Variants in TAGLN2 observed in about 807,000 individuals in gnomAD.
TAGLN2 encodes the protein transgelin 2.
In TAGLN2, 14 loss-of-function variants were observed where a neutral mutation model predicts 24.9. That is an observed-to-expected ratio of 0.56 (90% CI 0.37 to 0.88). The LOEUF (loss-of-function observed/expected upper bound fraction) is 0.88. TAGLN2 is among the 40% of genes least tolerant of loss of function. The pLI, the probability that TAGLN2 is intolerant of heterozygous loss-of-function variation, is 0.00. For missense variants in TAGLN2, 208 were observed against 258.9 expected, an observed-to-expected ratio of 0.80 and a Z score of 1.35; for synonymous variants, 77 against 98.2, an observed-to-expected ratio of 0.78 and a Z score of 1.28.
chr1:159,919,771 G>T lies in TAGLN2; in HGVS notation c.245C>A (p.Ala82Asp). 6.2e-7 allele frequency: 1 copy of T among 1,614,088 alleles called. No homozygotes were observed. Residue 82 changes from alanine to aspartate, a missense_variant, in exon 3 of 5, where the codon GCC (alanine) becomes GAC (aspartate). Transcript: ENST00000368097. ...CATCTGCTTGAAGGCCATGGTGGAG[G>T]CCTGGATCTTCTTTACTGGGGCCTG... ...EGQAPVKKIQ[A>D]STMAFKQMEQ...
chr1:159,918,746 T>C lies in TAGLN2; in HGVS notation c.*54A>G. On this transcript the variant is annotated 3_prime_UTR_variant, in exon 5 of 5. Coordinates refer to ENST00000368097, the MANE Select transcript of TAGLN2 (RefSeq NM_003564.3). ...GGGAATGTCACTGCTAAAATATATA[T>C]CTACATATATATTAACCATTCGTGG... 6.3e-7 allele frequency: 1 copy of C among 1,580,778 alleles called. No individual in the cohort carries two copies. Among genetic ancestry groups the C allele is most frequent in the South Asian group, 1.2e-5 (1 of 86,656 alleles).
intron 1 of TAGLN2, chr1:159,923,455 A>G (rs1263831237): frequency 3.2e-6 from 5 of 1,550,140 alleles, no homozygotes; most frequent in East Asian, 2.4e-5. Context: ...GCCAAAGCCA[A>G]AGAAAAGGCG....
intron 1 of TAGLN2, among the ~76,000 whole-genome samples, chr1:159,921,971 C>T (rs928255223): frequency 6.6e-6 from 1 of 152,248 alleles, no homozygotes; most frequent in Non-Finnish European, 1.5e-5. Context: ...AGCTGTCAGG[C>T]TGCTCACGAA....
At chr1:159,919,856 TG>T in intron 2 of TAGLN2, 21 bp from the exon 3 acceptor site, 1 of 1,609,542 alleles carries the variant, frequency 6.2e-7, no homozygotes, top group Non-Finnish European at 8.5e-7. Flanking sequence ...ACAGCAGGGG[TG>T]GAAAGGTGAG....
intron 1 of TAGLN2, among the ~76,000 whole-genome samples, chr1:159,923,276 A>G (rs1158944955): frequency 6.6e-6 from 1 of 152,238 alleles, no homozygotes; most frequent in Non-Finnish European, 1.5e-5. Context: ...TGACAGCTGA[A>G]CAACCTGGGG....
intron 1 of TAGLN2, among the ~76,000 whole-genome samples, chr1:159,924,240 T>C (rs889469679): frequency 1.3e-5 from 2 of 152,126 alleles, no homozygotes; most frequent in Non-Finnish European, 2.9e-5. Flanking sequence ...ACCTATTTGT[T>C]GGTTCTGGAA....
intron 1 of TAGLN2, chr1:159,923,702 CAGCCCCT>C: frequency 7.2e-6 from 3 of 417,170 alleles, no homozygotes; most frequent in South Asian, 5.5e-5. Flanking sequence ...CACCGTAGGG[CAGCCCCT>C]CACCACCGAG....
At chr1:159,920,291 T>C in intron 2 of TAGLN2, 39 bp downstream of exon 2, 6 of 1,614,092 alleles carry the variant, frequency 3.7e-6, no homozygotes, top group Non-Finnish European at 5.1e-6. Context: ...CCAGTCCTGC[T>C]CTCCCTGCAC....
intron 4 of TAGLN2, 25 bp downstream of exon 4, chr1:159,919,249 C>T (rs1231713616): frequency 6.3e-7 from 1 of 1,594,270 alleles, no homozygotes; most frequent in Non-Finnish European, 8.6e-7. Context: ...CTGCTGGACC[C>T]TGCGGCTGTC....
At chr1:159,925,229 TA>T (rs1650666087) in intron 1 of TAGLN2, 1 of 128,854 alleles carries the variant, frequency 7.8e-6, no homozygotes, top group Non-Finnish European at 1.5e-5. Context: ...ACGCCCTGTC[TA>T]TGCATGGGCT....
At position 159,919,390 on chromosome 1, in the gene TAGLN2, T is replaced by C. The variant is rs1332721396; in HGVS notation, c.356-14A>G. 6.2e-7 allele frequency: 1 copy of C among 1,613,374 alleles called. No homozygotes were observed. Among genetic ancestry groups the C allele is most frequent in the Admixed American group, 1.7e-5 (1 of 60,026 alleles). Reference sequence around the variant, plus strand: ...CCATGTTCTTTCCTGGGAAGGAGAATGGGAATGTGTCAGCCTCCGCAGTGT... The same window carrying C: ...CCATGTTCTTTCCTGGGAAGGAGAACGGGAATGTGTCAGCCTCCGCAGTGT... On this transcript the variant is annotated splice_polypyrimidine_tract_variant and intron_variant, in intron 3 of 4. Transcript: ENST00000368097.
At chr1:159,921,671 A>G (rs1458231819) in intron 1 of TAGLN2, among the ~76,000 whole-genome samples, 3 of 152,254 alleles carry the variant, frequency 2.0e-5, no homozygotes, top group Non-Finnish European at 4.4e-5. Context: ...AACCTGGAGA[A>G]GAGAAGGCAA....
Position 159,921,568 on chromosome 1 carries a change from T to C in TAGLN2, c.-28-1031A>G, listed in dbSNP as rs959745310. Among the ~76,000 whole-genome samples, 5 of 152,378 alleles carry C rather than the reference T, an allele frequency of 3.3e-5. No individual in the cohort carries two copies. In the East Asian group the frequency reaches 9.6e-4, roughly 29 times the overall value. On this transcript the variant is annotated intron_variant, in intron 1 of 4. Coordinates refer to ENST00000368097, the MANE Select transcript of TAGLN2 (RefSeq NM_003564.3). ...GAGTCTGTAGAACTGTAAGATGCTG[T>C]ATTTGTGTTGCTTTAAATCACTAAG...
chr1:159,925,290 C>G (rs1650668034), intron 1 of TAGLN2, 160 bp downstream of exon 1: 1 of 152,308 alleles, frequency 6.6e-6, no homozygotes, highest in Non-Finnish European at 1.5e-5. Context: ...GGCTTGGGGA[C>G]AGGACCTGAC....
intron 1 of TAGLN2, chr1:159,923,404 G>A (rs1338741678): frequency 1.9e-6 from 3 of 1,547,342 alleles, no homozygotes; most frequent in Non-Finnish European, 2.6e-6. Context: ...CAAGGCACTC[G>A]GCCCCACCCA....
rs757375938 is a variant in TAGLN2, at chr1:159,920,330, C to T, written c.180G>A (p.Thr60=). ...ENFQNWLKDG[T]VLCELINALY... is the part of the protein sequence containing the mutation. ...CAAGCCAGTGGGGCCCGGCTCTCAC[C>T]GTGCCATCCTTGAGCCAGTTCTGGA... The change falls in exon 2 of 5, where the codon ACG becomes ACA. Residue 60 remains threonine (T), a splice_region_variant and synonymous_variant. Coordinates refer to ENST00000368097, the MANE Select transcript of TAGLN2 (RefSeq NM_003564.3). 4 of 1,614,106 alleles carry T rather than the reference C, an allele frequency of 2.5e-6. No individual in the cohort carries two copies. The highest frequency in any genetic ancestry group is 2.2e-5 in the East Asian group (1 of 44,896).
At chr1:159,922,429 C>T (rs538700706) in intron 1 of TAGLN2, among the ~76,000 whole-genome samples, 19 of 152,318 alleles carry the variant, frequency 1.2e-4, no homozygotes, top group African/African-American at 4.1e-4. Flanking sequence ...CAGGCACACA[C>T]ACCATCAGCT....
In TAGLN2 at chr1:159,918,855, C is replaced by T. The variant is rs201020976; in HGVS notation, c.545G>A (p.Arg182His). ...AGTCATGCCTGCCTGAGACGCCCCG[C>T]GGTTGGTGCCCATCTGTAACCCGAT... ...NVIGLQMGTNRGASQAGMTGY... is the reference protein window; with the variant it reads ...NVIGLQMGTNHGASQAGMTGY... The change falls in exon 5 of 5, where the codon CGC becomes CAC. Residue 182 changes from arginine to histidine, a missense_variant. Physicochemically the swap from Arg to His is conservative, Grantham distance 29 (BLOSUM62 0). Transcript: ENST00000368097. The T allele has an allele frequency of 9.2e-5, 149 of 1,614,238 alleles. 1 individual carries two copies. In the East Asian group the frequency reaches 2.9e-3, roughly 31 times the overall value.
At chr1:159,921,069 G>A (rs193273797) in intron 1 of TAGLN2, among the ~76,000 whole-genome samples, 26 of 152,304 alleles carry the variant, frequency 1.7e-4, no homozygotes, top group Admixed American at 1.6e-3. Flanking sequence ...GGCTTGAATA[G>A]GTCCTTGAGG....
Sources: allele counts gnomAD v4.1 joint callset (sites outside exome capture counted in the v4.1 genomes callset), GRCh38; gene constraint gnomAD v4.1.1; transcripts MANE v1.5; gene names NCBI Gene and HGNC (gene_info 2026-07-23, HGNC 2026-07-21).